NXPE2: variants seen among roughly 807,000 people sequenced by gnomAD.
The protein encoded by NXPE2 is NXPE family member 2.
Under a neutral mutation model 34.4 loss-of-function variants are expected in NXPE2, and 34 were observed. The observed-to-expected ratio is 0.99, with a 90% confidence interval of 0.75 to 1.31. NXPE2 has a LOEUF of 1.31. NXPE2 is among the 40% of genes most tolerant of loss of function. The probability of loss-of-function intolerance (pLI) is 0.00; values close to 1 mark genes in which losing one functional copy is unlikely to be tolerated. For synonymous variants in NXPE2, 235 were observed against 231.3 expected (o/e 1.02, Z -0.15); for missense variants, 649 against 672.5 (o/e 0.97, Z 0.39).
the NXPE2 span, among the ~76,000 whole-genome samples, chr11:114,628,853 C>T: frequency 7.1e-4 from 108 of 151,728 alleles, 1 homozygote; most frequent in Middle Eastern, 6.8e-3. Context: ...ACCACCGATC[C>T]CACAGAAATA....
the NXPE2 span, among the ~76,000 whole-genome samples, chr11:114,671,829 C>T: frequency 2.0e-5 from 3 of 151,958 alleles, no homozygotes; most frequent in South Asian, 6.2e-4. Context: ...TGACCACGGA[C>T]AGTAATTTGA....
chr11:114,776,507 A>G, the NXPE2 span, among the ~76,000 whole-genome samples: 1 of 152,222 alleles, frequency 6.6e-6, no homozygotes, highest in Non-Finnish European at 1.5e-5. Flanking sequence ...AGATACTGTC[A>G]ATTACAAGCC....
the NXPE2 span, among the ~76,000 whole-genome samples, chr11:114,792,052 C>T: frequency 7.9e-5 from 12 of 151,954 alleles, no homozygotes; most frequent in East Asian, 1.7e-3. Context: ...AGTGAGACTC[C>T]GTCTCAAAAA....
chr11:114,503,040 A>G, the NXPE2 span, among the ~76,000 whole-genome samples: 1,544 of 152,246 alleles, frequency 0.01, 33 homozygotes, highest in African/African-American at 0.036. Flanking sequence ...GAAAGATCAC[A>G]CATAGGATTT....
chr11:114,751,854 G>T, the NXPE2 span, among the ~76,000 whole-genome samples: 1 of 152,190 alleles, frequency 6.6e-6, no homozygotes, highest in Non-Finnish European at 1.5e-5. Flanking sequence ...TGGCAGGGGG[G>T]TTAGAGTCAG....
At chr11:114,728,036 T>G in the NXPE2 span, among the ~76,000 whole-genome samples, 1 of 152,084 alleles carries the variant, frequency 6.6e-6, no homozygotes, top group Non-Finnish European at 1.5e-5. Flanking sequence ...TTCTTTGCCT[T>G]CTAAAAGTCT....
At chr11:114,731,982 T>G in the NXPE2 span, among the ~76,000 whole-genome samples, 1 of 152,208 alleles carries the variant, frequency 6.6e-6, no homozygotes. Context: ...TGTGTAACTC[T>G]CGTCTTGGGA....
upstream of NXPE2, among the ~76,000 whole-genome samples, chr11:114,675,063 A>T (rs1950842239): frequency 6.6e-6 from 1 of 151,814 alleles, no homozygotes; most frequent in South Asian, 2.1e-4. Context: ...ATATCATCTC[A>T]ATAGATAAAG....
chr11:114,751,431 C>T, the NXPE2 span, among the ~76,000 whole-genome samples: 1 of 152,120 alleles, frequency 6.6e-6, no homozygotes, highest in Non-Finnish European at 1.5e-5. Flanking sequence ...CCTTTAGACA[C>T]TGAATATATC....
At chr11:114,801,331 C>T in the NXPE2 span, among the ~76,000 whole-genome samples, 1 of 152,170 alleles carries the variant, frequency 6.6e-6, no homozygotes, top group African/African-American at 2.4e-5. Context: ...GTTGTGCAAA[C>T]ATTCTGGGCA....
chr11:114,640,081 A>G, the NXPE2 span, among the ~76,000 whole-genome samples: 63 of 116,834 alleles, frequency 5.4e-4, no homozygotes, highest in Admixed American at 7.1e-4. Context: ...AATATATAAT[A>G]TAATGTAATA....
the NXPE2 span, among the ~76,000 whole-genome samples, chr11:114,726,418 C>T: frequency 6.6e-6 from 1 of 151,924 alleles, no homozygotes; most frequent in African/African-American, 2.4e-5. Context: ...TTCTGTGTTG[C>T]CCAGGCTGGT....
At chr11:114,791,535 T>C in the NXPE2 span, among the ~76,000 whole-genome samples, 1 of 152,112 alleles carries the variant, frequency 6.6e-6, no homozygotes, top group African/African-American at 2.4e-5. Context: ...TTTCAAGATA[T>C]CAGTGCTGAT....
chr11:114,748,948 G>A, the NXPE2 span, among the ~76,000 whole-genome samples: 1 of 152,156 alleles, frequency 6.6e-6, no homozygotes, highest in African/African-American at 2.4e-5. Context: ...TAATGAAATT[G>A]TGCTAGATCT....
the NXPE2 span, among the ~76,000 whole-genome samples, chr11:114,573,294 A>G: frequency 6.6e-6 from 1 of 152,134 alleles, no homozygotes; most frequent in South Asian, 2.1e-4. Flanking sequence ...AAATAATGCA[A>G]TGAAAAGAAA....
the NXPE2 span, among the ~76,000 whole-genome samples, chr11:114,805,679 G>A: frequency 6.6e-6 from 1 of 152,214 alleles, no homozygotes; most frequent in South Asian, 2.1e-4. Flanking sequence ...GCTTGATTAG[G>A]TAAACAAAGC....
At chr11:114,605,237 A>C in the NXPE2 span, among the ~76,000 whole-genome samples, 3 of 151,104 alleles carry the variant, frequency 2.0e-5, 1 homozygote, top group African/African-American at 7.3e-5. Context: ...GCTGTTACCC[A>C]CTGGATAATA....
chr11:114,602,887 T>C, the NXPE2 span, among the ~76,000 whole-genome samples: 3 of 148,180 alleles, frequency 2.0e-5, no homozygotes, highest in Non-Finnish European at 4.5e-5. Context: ...GAAACATAAT[T>C]ATCTAATATA....
the NXPE2 span, among the ~76,000 whole-genome samples, chr11:114,614,326 G>A: frequency 2.6e-5 from 4 of 151,570 alleles, no homozygotes; most frequent in African/African-American, 9.7e-5. Flanking sequence ...GGTAACCACG[G>A]TTACCTGATG....
Sources: allele counts gnomAD v4.1 joint callset (sites outside exome capture counted in the v4.1 genomes callset), GRCh38; gene constraint gnomAD v4.1.1; transcripts MANE v1.5; gene names NCBI Gene and HGNC (gene_info 2026-07-23, HGNC 2026-07-21).